The following TAFA2 variants were observed in gnomAD, a reference collection of about 807,000 sequenced individuals.
The protein encoded by TAFA2 is chemokine-like protein TAFA-2.
A neutral mutation model predicts 18.8 loss-of-function variants in TAFA2; 7 were observed. The ratio of observed to expected loss-of-function variants is 0.37; its 90% CI spans 0.21 to 0.70. TAFA2 has a LOEUF of 0.70. Among genes scored for constraint, TAFA2 ranks in the 30% least tolerant of loss-of-function variants. TAFA2 has a pLI of 0.53. For missense variants in TAFA2, 122 were observed against 158.1 expected (o/e 0.77, Z 1.23); for synonymous variants, 60 against 54.2 (o/e 1.11, Z -0.47).
At chr12:61,960,000 G>C (rs1421291474) in intron 1 of TAFA2, among the ~76,000 whole-genome samples, 1 of 151,922 alleles carries the variant, frequency 6.6e-6, no homozygotes, top group Non-Finnish European at 1.5e-5. Flanking sequence ...TCTGTGTCCT[G>C]AGTAGCTTGG....
At chr12:61,941,889 A>T (rs1479351346) in intron 1 of TAFA2, among the ~76,000 whole-genome samples, 1 of 152,200 alleles carries the variant, frequency 6.6e-6, no homozygotes, top group Non-Finnish European at 1.5e-5. Flanking sequence ...GGCGCCCGCC[A>T]TTGCCCAGGC....
chr12:61,722,712 G>C (rs969653966), intron 4 of TAFA2, among the ~76,000 whole-genome samples: 1 of 152,108 alleles, frequency 6.6e-6, no homozygotes, highest in African/African-American at 2.4e-5. Context: ...CACTTTAAGA[G>C]TAGAATAACT....
chr12:62,255,478 G>A (rs1286140238), intron 1 of TAFA2, among the ~76,000 whole-genome samples: 1 of 152,136 alleles, frequency 6.6e-6, no homozygotes, highest in Non-Finnish European at 1.5e-5. Context: ...TTCAGGACCT[G>A]CAGAATATAC....
At chr12:61,724,794 T>TATACATCAGATGG (rs1255469826) in intron 4 of TAFA2, among the ~76,000 whole-genome samples, 1 of 128,862 alleles carries the variant, frequency 7.8e-6, no homozygotes, top group South Asian at 2.5e-4. Flanking sequence ...TGTGTGTGTG[T>TATACATCAGATGG]GTGTGTGTAT....
chr12:62,049,850 A>G (rs768961858), intron 1 of TAFA2, among the ~76,000 whole-genome samples: 14 of 152,186 alleles, frequency 9.2e-5, no homozygotes, highest in Admixed American at 3.3e-4. Context: ...ACAAAGATCA[A>G]CTCTCTGAAC....
intron 1 of TAFA2, among the ~76,000 whole-genome samples, chr12:62,238,919 G>C (rs1266075624): frequency 6.6e-6 from 1 of 152,142 alleles, no homozygotes; most frequent in Admixed American, 6.5e-5. Context: ...CTTCCTCTAA[G>C]CCAATTATAA....
intron 1 of TAFA2, among the ~76,000 whole-genome samples, chr12:61,900,672 C>G (rs1042676641): frequency 3.3e-5 from 5 of 152,114 alleles, no homozygotes; most frequent in Admixed American, 6.6e-5. Flanking sequence ...TCCCATGATT[C>G]AATTACCTTC....
chr12:61,756,855 G>A (rs1869297689), intron 2 of TAFA2, among the ~76,000 whole-genome samples: 1 of 152,020 alleles, frequency 6.6e-6, no homozygotes, highest in South Asian at 2.1e-4. Flanking sequence ...TAAGAAAGGA[G>A]GAACAAATAT....
intron 1 of TAFA2, among the ~76,000 whole-genome samples, chr12:62,155,776 C>G (rs1285103289): frequency 6.6e-6 from 1 of 152,174 alleles, no homozygotes; most frequent in Non-Finnish European, 1.5e-5. Context: ...CATCTCTCAC[C>G]TTATACAAAA....
intron 1 of TAFA2, among the ~76,000 whole-genome samples, chr12:61,971,520 T>C (rs1282940953): frequency 6.6e-6 from 1 of 151,334 alleles, no homozygotes; most frequent in African/African-American, 2.4e-5. Flanking sequence ...GTGGCACATA[T>C]ACAACATGGA....
chr12:61,896,325 T>C (rs1875841667), intron 1 of TAFA2, among the ~76,000 whole-genome samples: 1 of 152,146 alleles, frequency 6.6e-6, no homozygotes, highest in South Asian at 2.1e-4. Context: ...AAGCACAAAT[T>C]AAGCCAAGAT....
chr12:62,044,982 T>C (rs1881872076), intron 1 of TAFA2, among the ~76,000 whole-genome samples: 1 of 152,064 alleles, frequency 6.6e-6, no homozygotes, highest in South Asian at 2.1e-4. Context: ...GCCTGACATT[T>C]TAAGGCCCTG....
At chr12:61,858,298 T>A (rs1371187737) in intron 2 of TAFA2, among the ~76,000 whole-genome samples, 1 of 152,158 alleles carries the variant, frequency 6.6e-6, no homozygotes, top group Non-Finnish European at 1.5e-5. Flanking sequence ...CAATTTCCTG[T>A]TTTAAACTGC....
chr12:61,906,415 A>C (rs1429630529), intron 1 of TAFA2, among the ~76,000 whole-genome samples: 1 of 152,154 alleles, frequency 6.6e-6, no homozygotes, highest in Non-Finnish European at 1.5e-5. Context: ...GCTGCCATGT[A>C]AGACGTGACT....
chr12:62,228,689 G>A (rs574223625), intron 1 of TAFA2, among the ~76,000 whole-genome samples: 40 of 152,108 alleles, frequency 2.6e-4, no homozygotes, highest in African/African-American at 8.4e-4. Context: ...TTTAAGTTCA[G>A]GATTTTTTTG....
chr12:61,854,597 G>T (rs962774348), intron 2 of TAFA2, among the ~76,000 whole-genome samples: 5 of 151,634 alleles, frequency 3.3e-5, no homozygotes, highest in African/African-American at 1.2e-4. Context: ...GAGGGAAAAA[G>T]GTCACAATCA....
At chr12:61,813,814 T>A (rs988069270) in intron 2 of TAFA2, among the ~76,000 whole-genome samples, 5 of 151,514 alleles carry the variant, frequency 3.3e-5, no homozygotes, top group South Asian at 2.1e-4. Flanking sequence ...AGTCTTTTCA[T>A]CTACAAAATG....
At chr12:62,090,717 A>G (rs1868674676) in intron 1 of TAFA2, among the ~76,000 whole-genome samples, 1 of 151,662 alleles carries the variant, frequency 6.6e-6, no homozygotes, top group Non-Finnish European at 1.5e-5. Context: ...TATTTTTTCT[A>G]AAGAATATAT....
At chr12:61,930,899 T>A (rs1416631299) in intron 1 of TAFA2, among the ~76,000 whole-genome samples, 1 of 152,212 alleles carries the variant, frequency 6.6e-6, no homozygotes. Flanking sequence ...TGATGTTAAA[T>A]CCTAAGAGGA....
Sources: allele counts gnomAD v4.1 joint callset (sites outside exome capture counted in the v4.1 genomes callset), GRCh38; gene constraint gnomAD v4.1.1; transcripts MANE v1.5; gene names NCBI Gene and HGNC (gene_info 2026-07-23, HGNC 2026-07-21).